The following BLTP1 variants were observed in gnomAD, a reference collection of about 807,000 sequenced individuals.
BLTP1 encodes bridge-like lipid transfer protein family member 1, also known as fragile site-associated protein.
the BLTP1 span, chr4:122,172,328 G>A: frequency 2.8e-6 from 2 of 719,500 alleles, no homozygotes; most frequent in Non-Finnish European, 3.4e-6. Context: ...ATAAGTAAGA[G>A]CAAATTGATT....
At chr4:122,201,044 C>A in the BLTP1 span, 1 of 1,613,436 alleles carries the variant, frequency 6.2e-7, no homozygotes, top group East Asian at 2.2e-5. Flanking sequence ...GAATATGGAA[C>A]ATGCCGCAGA....
chr4:122,166,148 C>G, the BLTP1 span, among the ~76,000 whole-genome samples: 7,574 of 152,144 alleles, frequency 0.05, 261 homozygotes, highest in Non-Finnish European at 0.074. Flanking sequence ...AATCCTTGCC[C>G]ATGCCTATGT....
the BLTP1 span, chr4:122,184,687 A>G: frequency 1.0e-6 from 1 of 985,354 alleles, no homozygotes. Flanking sequence ...TGCTAAGAAA[A>G]AAAGGTAAAA....
the BLTP1 span, chr4:122,237,258 C>G: frequency 1.0e-6 from 1 of 985,194 alleles, no homozygotes; most frequent in South Asian, 4.7e-5. Flanking sequence ...TTTTTTGGAT[C>G]TAGGCAGCTA....
the BLTP1 span, among the ~76,000 whole-genome samples, chr4:122,295,832 A>G: frequency 6.6e-6 from 1 of 152,198 alleles, no homozygotes; most frequent in East Asian, 1.9e-4. Context: ...AAAGACAAAA[A>G]CCACATGATT....
chr4:122,185,544 C>A, the BLTP1 span: 1 of 546,954 alleles, frequency 1.8e-6, no homozygotes, highest in Non-Finnish European at 2.3e-6. Context: ...AGATTGAAGT[C>A]CACAGTTCAT....
chr4:122,334,707 A>G, the BLTP1 span, among the ~76,000 whole-genome samples: 4 of 151,984 alleles, frequency 2.6e-5, no homozygotes, highest in Admixed American at 6.6e-5. Context: ...TGGGCCAACC[A>G]TTTTCACCTG....
the BLTP1 span, chr4:122,243,857 G>A: frequency 3.5e-5 from 55 of 1,576,104 alleles, no homozygotes; most frequent in Non-Finnish European, 4.6e-5. Flanking sequence ...TGTATAGTAC[G>A]CCGTATACTC....
the BLTP1 span, chr4:122,167,969 T>C: frequency 4.8e-6 from 4 of 841,224 alleles, no homozygotes; most frequent in Non-Finnish European, 5.7e-6. Flanking sequence ...ATTGGTGATA[T>C]ACTACTTCAT....
At chr4:122,199,489 A>G in the BLTP1 span, 8 of 1,488,710 alleles carry the variant, frequency 5.4e-6, no homozygotes, top group Non-Finnish European at 7.4e-6. Flanking sequence ...TACTTGTATG[A>G]AAAACAATTG....
the BLTP1 span, among the ~76,000 whole-genome samples, chr4:122,163,843 A>C: frequency 6.6e-6 from 1 of 152,220 alleles, no homozygotes; most frequent in Non-Finnish European, 1.5e-5. Flanking sequence ...GGAACAATAT[A>C]GTCTGAAGCA....
At chr4:122,159,385 C>T in the BLTP1 span, among the ~76,000 whole-genome samples, 2 of 151,924 alleles carry the variant, frequency 1.3e-5, no homozygotes, top group Non-Finnish European at 2.9e-5. Context: ...ATCGCTTGGA[C>T]CCGGGAGGCG....
At chr4:122,228,675 ATT>A in the BLTP1 span, among the ~76,000 whole-genome samples, 1 of 151,770 alleles carries the variant, frequency 6.6e-6, no homozygotes, top group Non-Finnish European at 1.5e-5. Context: ...GTAAAATAAA[ATT>A]AATGTGGATT....
chr4:122,171,734 G>T, the BLTP1 span: 6 of 788,346 alleles, frequency 7.6e-6, no homozygotes, highest in African/African-American at 1.2e-4. Flanking sequence ...TGAAGTGTCT[G>T]TTCCCTTTCC....
At chr4:122,209,789 C>G in the BLTP1 span, 1 of 1,609,738 alleles carries the variant, frequency 6.2e-7, no homozygotes, top group South Asian at 1.1e-5. Flanking sequence ...GAGTATCTGA[C>G]TAGAAACTGT....
chr4:122,307,383 A>G, the BLTP1 span: 13 of 753,068 alleles, frequency 1.7e-5, no homozygotes, highest in East Asian at 9.1e-4. Flanking sequence ...GGGATGCTCA[A>G]CCTGCATTTG....
chr4:122,288,692 TAA>T, the BLTP1 span: 1 of 342,446 alleles, frequency 2.9e-6, no homozygotes, highest in Non-Finnish European at 4.1e-6. Context: ...AATAAATAAA[TAA>T]ATCTATTTTT....
At chr4:122,239,515 G>A in the BLTP1 span, 1 of 1,551,588 alleles carries the variant, frequency 6.4e-7, no homozygotes, top group Non-Finnish European at 8.8e-7. Flanking sequence ...TTCTGTTTTA[G>A]TATCCCTACA....
chr4:122,237,255 G>T, the BLTP1 span: 2 of 985,250 alleles, frequency 2.0e-6, no homozygotes, highest in Non-Finnish European at 2.4e-6. Flanking sequence ...ATTTTTTTTG[G>T]ATCTAGGCAG....
Sources: allele counts gnomAD v4.1 joint callset (sites outside exome capture counted in the v4.1 genomes callset), GRCh38; gene constraint gnomAD v4.1.1; transcripts MANE v1.5; gene names NCBI Gene and HGNC (gene_info 2026-07-23, HGNC 2026-07-21).